RABGAP1L: variants seen among roughly 807,000 people sequenced by gnomAD.
RABGAP1L encodes rab GTPase-activating protein 1-like.
A neutral mutation model predicts 137.7 loss-of-function variants in RABGAP1L; 63 were observed. The observed-to-expected ratio is 0.46, with a 90% CI of 0.37 to 0.56. The LOEUF (loss-of-function observed/expected upper bound fraction) is 0.56. Ranked by LOEUF, RABGAP1L falls within the 20% of genes least tolerant of loss-of-function variation. The pLI is 0.00. For missense variants in RABGAP1L, 1,095 were observed against 1,244.0 expected (o/e 0.88, Z 1.80); for synonymous variants, 431 against 433.7 (o/e 0.99, Z 0.08).
At chr1:174,759,408 A>G (rs1616454) in intron 18 of RABGAP1L, among the ~76,000 whole-genome samples, 2 of 151,942 alleles carry the variant, frequency 1.3e-5, no homozygotes, top group Non-Finnish European at 2.9e-5. Context: ...CAGCCTGGCC[A>G]ACATAGTGAA....
At chr1:174,854,825 C>T (rs1649022304) in intron 19 of RABGAP1L, among the ~76,000 whole-genome samples, 1 of 141,998 alleles carries the variant, frequency 7.0e-6, no homozygotes, top group African/African-American at 2.7e-5. Context: ...GTAACCTCTG[C>T]CCCCAGGATT....
intron 19 of RABGAP1L, among the ~76,000 whole-genome samples, chr1:174,812,934 G>C (rs1034952419): frequency 1.2e-4 from 19 of 152,208 alleles, no homozygotes; most frequent in Non-Finnish European, 5.9e-5. Context: ...TCATGCCTGG[G>C]TGGGCTTGAG....
intron 19 of RABGAP1L, among the ~76,000 whole-genome samples, chr1:174,816,147 CTTTT>C (rs67065448): frequency 2.3e-5 from 2 of 86,152 alleles, no homozygotes; most frequent in African/African-American, 4.3e-5. Flanking sequence ...TAATACATAG[CTTTT>C]TTTTTTTTTT....
chr1:174,256,275 A>T (rs1673115689), intron 7 of RABGAP1L, among the ~76,000 whole-genome samples: 1 of 152,042 alleles, frequency 6.6e-6, no homozygotes, highest in Admixed American at 6.5e-5. Context: ...AATATTTGTG[A>T]CTAAATTCAG....
chr1:174,856,122 C>T (rs553303198), intron 19 of RABGAP1L, among the ~76,000 whole-genome samples: 5 of 152,254 alleles, frequency 3.3e-5, no homozygotes, highest in East Asian at 3.9e-4. Context: ...ACAAGCTGGA[C>T]GCAGTGGCTC....
At chr1:174,742,189 AGGAGGGGGAGGG>A (rs1232703399) in intron 17 of RABGAP1L, among the ~76,000 whole-genome samples, 2 of 52,272 alleles carry the variant, frequency 3.8e-5, no homozygotes, top group African/African-American at 1.4e-4. Flanking sequence ...GAAGAAGAGG[AGGAGGGGGAGGG>A]GGAGGAGGAG....
At chr1:174,388,480 A>T (rs1013083191) in intron 12 of RABGAP1L, among the ~76,000 whole-genome samples, 18 of 151,948 alleles carry the variant, frequency 1.2e-4, no homozygotes, top group Non-Finnish European at 2.2e-4. Context: ...CATAAGCTAA[A>T]GAAAGAAAGG....
chr1:174,872,019 A>G (rs1652284318), intron 19 of RABGAP1L, among the ~76,000 whole-genome samples: 2 of 152,224 alleles, frequency 1.3e-5, no homozygotes, highest in African/African-American at 4.8e-5. Context: ...CTATTCTTTC[A>G]TAGTCTGGAA....
intron 12 of RABGAP1L, among the ~76,000 whole-genome samples, chr1:174,373,010 C>CA (rs1685227809): frequency 6.6e-6 from 1 of 152,218 alleles, no homozygotes; most frequent in African/African-American, 2.4e-5. Flanking sequence ...TTGTCCATTT[C>CA]AAAAATCTTA....
At chr1:174,318,630 TTCTTTTTC>T (rs1430405669) in intron 11 of RABGAP1L, among the ~76,000 whole-genome samples, 1 of 148,700 alleles carries the variant, frequency 6.7e-6, no homozygotes, top group Non-Finnish European at 1.5e-5. Context: ...CTTTCTTTCT[TTCTTTTTC>T]TTTCTTTTTT....
intron 13 of RABGAP1L, among the ~76,000 whole-genome samples, chr1:174,503,655 C>T (rs7527316): frequency 0.34 from 3,096 of 9,112 alleles, 128 homozygotes; most frequent in African/African-American, 0.41. Flanking sequence ...AGCGAGACTC[C>T]GTCAAAAAAA....
At chr1:174,918,399 T>A (rs1284883312) in intron 19 of RABGAP1L, among the ~76,000 whole-genome samples, 1 of 152,246 alleles carries the variant, frequency 6.6e-6, no homozygotes, top group African/African-American at 2.4e-5. Context: ...CAGTTATCTT[T>A]AATCTGTAGT....
At chr1:174,767,738 A>T (rs568845096) in intron 18 of RABGAP1L, among the ~76,000 whole-genome samples, 71 of 152,224 alleles carry the variant, frequency 4.7e-4, no homozygotes, top group African/African-American at 1.7e-3. Flanking sequence ...GAAATACAAG[A>T]TGTCATTGTA....
At chr1:174,276,072 T>G (rs1674971870) in intron 9 of RABGAP1L, 137 bp downstream of exon 9, 1 of 588,146 alleles carries the variant, frequency 1.7e-6, no homozygotes, top group Non-Finnish European at 3.0e-6. Context: ...TTCATTTTTA[T>G]TCTTTATGCT....
chr1:174,341,618 T>C (rs941448970), intron 11 of RABGAP1L, among the ~76,000 whole-genome samples: 1 of 152,220 alleles, frequency 6.6e-6, no homozygotes, highest in East Asian at 1.9e-4. Context: ...GAACTTTTCC[T>C]GTCCATTAAA....
intron 13 of RABGAP1L, among the ~76,000 whole-genome samples, chr1:174,535,262 C>T (rs1664808844): frequency 6.6e-6 from 1 of 151,868 alleles, no homozygotes; most frequent in Admixed American, 6.6e-5. Context: ...TAATGAAAAT[C>T]TCTTTGTATC....
rs909962476 is a variant in RABGAP1L, at chr1:174,198,825, AGGGCCG to A, written c.-33-20297_-33-20292del. On this transcript the variant is annotated intron_variant, in intron 1 of 25. Transcript: ENST00000681986. ...ATTAATGGGAAAAGAGATGAGGGCC[AGGGCCG>A]GGCATGGTGGCTCACGCCTATAATC... Among the ~76,000 whole-genome samples the A allele has an allele frequency of 9.2e-5, 14 of 152,294 alleles. No individual in the cohort carries two copies. The East Asian group carries it at 2.7e-3, about 29-fold the overall frequency.
chr1:174,908,418 A>G (rs1363713886), intron 19 of RABGAP1L, among the ~76,000 whole-genome samples: 1 of 152,192 alleles, frequency 6.6e-6, no homozygotes, highest in Non-Finnish European at 1.5e-5. Flanking sequence ...AAATCTGAAC[A>G]TATTTTTTAA....
intron 18 of RABGAP1L, among the ~76,000 whole-genome samples, chr1:174,783,097 C>T (rs1687145593): frequency 2.6e-5 from 4 of 152,128 alleles, no homozygotes; most frequent in Admixed American, 2.6e-4. Flanking sequence ...GCTACCATCG[C>T]AGACCCACCG....
Sources: gnomAD v4.1 joint callset for allele counts (sites outside exome capture counted in the v4.1 genomes callset) on GRCh38, gnomAD v4.1.1 for gene constraint, MANE v1.5 for transcripts, NCBI Gene and HGNC (gene_info 2026-07-23, HGNC 2026-07-21) for gene names.